Variants in MACROD2 observed in about 807,000 individuals in gnomAD.
The protein encoded by MACROD2 is mono-ADP ribosylhydrolase 2.
Under a neutral mutation model 70.4 loss-of-function variants are expected in MACROD2, and 36 were observed. The ratio of observed to expected loss-of-function variants is 0.51; its 90% CI spans 0.39 to 0.68. MACROD2 has a LOEUF of 0.68. Among genes scored for constraint, MACROD2 ranks in the 30% least tolerant of loss-of-function variants. The probability of loss-of-function intolerance (pLI) is 0.00; values close to 1 mark genes in which losing one functional copy is unlikely to be tolerated. For synonymous variants in MACROD2, 172 were observed against 178.8 expected, an observed-to-expected ratio of 0.96 and a Z score of 0.30; for missense variants, 496 against 538.4, an observed-to-expected ratio of 0.92 and a Z score of 0.78.
intron 6 of MACROD2, among the ~76,000 whole-genome samples, chr20:15,354,622 C>G (rs1021254237): frequency 3.9e-5 from 6 of 151,918 alleles, no homozygotes; most frequent in Non-Finnish European, 5.9e-5. Flanking sequence ...TAATCCCACT[C>G]CTAGGAACTT....
chr20:15,421,301 T>C (rs453486), intron 6 of MACROD2, among the ~76,000 whole-genome samples: 124,301 of 151,750 alleles, frequency 0.82, 51,262 homozygotes, highest in African/African-American at 0.86. Context: ...TCACCTCAGC[T>C]CAGGGAGGCT....
At chr20:15,407,091 C>T (rs1055470872) in intron 6 of MACROD2, among the ~76,000 whole-genome samples, 3 of 152,234 alleles carry the variant, frequency 2.0e-5, no homozygotes, top group African/African-American at 7.2e-5. Context: ...CTGCCATGCG[C>T]AGCACCTGCT....
rs74179729 is a variant in MACROD2, at chr20:14,005,826, C to T, written c.163+3422C>T. The stretch of plus-strand genomic sequence containing the variant: ...GTGTTGGCCAGGCTGGTCTTGAACT[C>T]CTGACCTCAAGTGATCTGCCCATGT... On this transcript the variant is annotated intron_variant, in intron 2 of 17. Transcript: ENST00000684519. 3.6e-3 allele frequency among the ~76,000 whole-genome samples: 553 copies of T among 152,250 alleles called. 1 individual carries two copies. The highest frequency in any genetic ancestry group is 6.1e-3 in the Non-Finnish European group (417 of 68,024).
At chr20:15,973,591 G>A (rs376507292) in intron 13 of MACROD2, among the ~76,000 whole-genome samples, 3 of 152,080 alleles carry the variant, frequency 2.0e-5, no homozygotes, top group African/African-American at 7.2e-5. Flanking sequence ...TGTAACAAAA[G>A]CCTCATGTAT....
chr20:14,005,852 T>C (rs531036394), intron 2 of MACROD2, among the ~76,000 whole-genome samples: 1 of 152,278 alleles, frequency 6.6e-6, no homozygotes, highest in African/African-American at 2.4e-5. Context: ...CTGCCCATGT[T>C]GGCCTCCTAA....
intron 3 of MACROD2, chr20:14,325,549 C>G: frequency 6.2e-7 from 1 of 1,601,722 alleles, no homozygotes; most frequent in East Asian, 2.2e-5. Context: ...GCTGTGAGTC[C>G]TTCAGCATCA....
At chr20:14,106,504 T>A (rs1015888912) in intron 3 of MACROD2, among the ~76,000 whole-genome samples, 6 of 151,928 alleles carry the variant, frequency 3.9e-5, no homozygotes, top group Non-Finnish European at 7.4e-5. Flanking sequence ...GGGGATCTCA[T>A]TGCCCTGAAG....
intron 3 of MACROD2, among the ~76,000 whole-genome samples, chr20:14,485,421 G>A (rs190219232): frequency 1.3e-5 from 2 of 152,308 alleles, no homozygotes; most frequent in Admixed American, 1.3e-4. Flanking sequence ...GAACATGGAG[G>A]CCAGGCGTGG....
At chr20:15,394,672 C>G (rs1041585164) in intron 6 of MACROD2, among the ~76,000 whole-genome samples, 2 of 152,196 alleles carry the variant, frequency 1.3e-5, no homozygotes, top group African/African-American at 4.8e-5. Context: ...TCTTAATAGT[C>G]AGTCCAAACT....
intron 3 of MACROD2, among the ~76,000 whole-genome samples, chr20:14,447,184 A>G (rs2084192462): frequency 6.6e-6 from 1 of 151,866 alleles, no homozygotes; most frequent in African/African-American, 2.4e-5. Flanking sequence ...ACACCCAGCT[A>G]ATTTTTTGTA....
At chr20:14,146,641 A>G (rs1330560237) in intron 3 of MACROD2, among the ~76,000 whole-genome samples, 2 of 152,142 alleles carry the variant, frequency 1.3e-5, no homozygotes, top group Admixed American at 6.5e-5. Context: ...TTTAACACCT[A>G]CTTTTCTCTT....
At chr20:14,747,294 G>A (rs930346488) in intron 5 of MACROD2, among the ~76,000 whole-genome samples, 5 of 152,136 alleles carry the variant, frequency 3.3e-5, no homozygotes, top group African/African-American at 7.2e-5. Context: ...TTGGGCCAGG[G>A]GTTGGGGGTA....
chr20:15,836,827 T>C (rs1008092683), intron 8 of MACROD2, among the ~76,000 whole-genome samples: 6 of 152,132 alleles, frequency 3.9e-5, no homozygotes, highest in African/African-American at 1.4e-4. Context: ...GGAAGCAATA[T>C]GGGTCTAATT....
At chr20:14,067,758 T>C (rs1231288964) in intron 2 of MACROD2, among the ~76,000 whole-genome samples, 1 of 152,184 alleles carries the variant, frequency 6.6e-6, no homozygotes, top group Admixed American at 6.5e-5. Flanking sequence ...GAGAGTGAAG[T>C]GTGTCCTTAT....
At chr20:15,192,100 G>A (rs1327206823) in intron 5 of MACROD2, among the ~76,000 whole-genome samples, 1 of 149,926 alleles carries the variant, frequency 6.7e-6, no homozygotes, top group African/African-American at 2.5e-5. Flanking sequence ...TAGTTTATTT[G>A]GGAATTGATC....
intron 8 of MACROD2, among the ~76,000 whole-genome samples, chr20:15,514,126 CA>C (rs1440138314): frequency 6.6e-6 from 1 of 151,916 alleles, no homozygotes; most frequent in Non-Finnish European, 1.5e-5. Flanking sequence ...TTACAAGAGT[CA>C]AAAGTTTAAA....
intron 3 of MACROD2, among the ~76,000 whole-genome samples, chr20:14,168,277 C>G (rs2081188805): frequency 6.6e-6 from 1 of 152,004 alleles, no homozygotes; most frequent in Non-Finnish European, 1.5e-5. Context: ...AATGAACCAC[C>G]ATAGAGATAT....
At chr20:14,971,663 A>G (rs754447355) in intron 5 of MACROD2, among the ~76,000 whole-genome samples, 1 of 152,040 alleles carries the variant, frequency 6.6e-6, no homozygotes, top group Non-Finnish European at 1.5e-5. Context: ...GGCTTGAGTC[A>G]TCTGAAGACT....
At chr20:15,794,529 T>A (rs900202940) in intron 8 of MACROD2, among the ~76,000 whole-genome samples, 2 of 152,182 alleles carry the variant, frequency 1.3e-5, no homozygotes, top group African/African-American at 4.8e-5. Flanking sequence ...TGTTTTGTTT[T>A]CCATACCAAG....
Sources: allele counts gnomAD v4.1 joint callset (sites outside exome capture counted in the v4.1 genomes callset), GRCh38; gene constraint gnomAD v4.1.1; transcripts MANE v1.5; gene names NCBI Gene and HGNC (gene_info 2026-07-23, HGNC 2026-07-21).